The following MYO16 variants were observed in gnomAD, a reference collection of about 807,000 sequenced individuals.
The protein encoded by MYO16 is unconventional myosin-XVI.
A neutral mutation model predicts 205.3 loss-of-function variants in MYO16; 94 were observed. The observed-to-expected ratio is 0.46, with a 90% confidence interval of 0.39 to 0.54. The LOEUF (loss-of-function observed/expected upper bound fraction) is 0.54. Among genes scored for constraint, MYO16 ranks in the 20% least tolerant of loss-of-function variants. The pLI is 0.00. For missense variants in MYO16, 2,315 were observed against 2,387.5 expected (o/e 0.97, Z 0.63); for synonymous variants, 988 against 954.0 (o/e 1.04, Z -0.66).
chr13:108,511,420 G>A, the MYO16 span, among the ~76,000 whole-genome samples: 26 of 19,744 alleles, frequency 1.3e-3, 1 homozygote, highest in African/African-American at 6.0e-3. Flanking sequence ...CCATGTTGTA[G>A]GTTGCCTGTT....
chr13:108,831,132 C>T (rs984514812), intron 9 of MYO16, among the ~76,000 whole-genome samples: 5 of 152,000 alleles, frequency 3.3e-5, no homozygotes, highest in East Asian at 1.9e-4. Context: ...TTAGTCACCT[C>T]GTAAAACCCC....
At chr13:108,798,657 A>G (rs1271839168) in intron 6 of MYO16, among the ~76,000 whole-genome samples, 2 of 146,460 alleles carry the variant, frequency 1.4e-5, no homozygotes, top group South Asian at 2.2e-4. Flanking sequence ...TTAGCACATA[A>G]TTTGATATAT....
chr13:109,035,451 A>T (rs1042605451), intron 23 of MYO16, among the ~76,000 whole-genome samples: 1 of 152,142 alleles, frequency 6.6e-6, no homozygotes, highest in African/African-American at 2.4e-5. Flanking sequence ...TGGGAGGCTG[A>T]AGCAGATGAA....
intron 9 of MYO16, among the ~76,000 whole-genome samples, chr13:108,834,670 A>T (rs61439815): frequency 0.15 from 3,756 of 24,918 alleles, 161 homozygotes; most frequent in African/African-American, 0.28. Flanking sequence ...TCTCTCTCTC[A>T]CACATATATA....
chr13:108,892,911 C>T (rs1880239834), intron 14 of MYO16, among the ~76,000 whole-genome samples: 1 of 152,150 alleles, frequency 6.6e-6, no homozygotes, highest in Non-Finnish European at 1.5e-5. Context: ...ATATAACCCT[C>T]CCAAATCAGT....
intron 33 of MYO16, among the ~76,000 whole-genome samples, chr13:109,179,279 T>C (rs1879352273): frequency 6.6e-6 from 1 of 152,210 alleles, no homozygotes. Context: ...ACTTATCTGC[T>C]CACTTTTGTG....
At chr13:109,129,086 T>TTTTTC (rs2139779563) in intron 31 of MYO16, among the ~76,000 whole-genome samples, 1 of 151,918 alleles carries the variant, frequency 6.6e-6, no homozygotes, top group Non-Finnish European at 1.5e-5. Context: ...TTTTTTTTTT[T>TTTTTC]TTAGCATTTT....
chr13:108,555,108 T>C, the MYO16 span, among the ~76,000 whole-genome samples: 1 of 152,180 alleles, frequency 6.6e-6, no homozygotes, highest in African/African-American at 2.4e-5. Context: ...GTGTCTTCTT[T>C]AAAGCAATTA....
the MYO16 span, among the ~76,000 whole-genome samples, chr13:108,504,008 G>A: frequency 2.6e-5 from 4 of 151,628 alleles, no homozygotes; most frequent in Non-Finnish European, 5.9e-5. Flanking sequence ...TTTTTAAATT[G>A]TGGTAAAAAA....
Position 108,937,976 on chromosome 13 carries a change from T to C in MYO16, c.1926-19712T>C, listed in dbSNP as rs947905064. ...CAGATTTGTTGTGGTAGCAGAATTA[T>C]TGCAGTGGTTTCTTCTGATGTGGAG... On this transcript the variant is annotated intron_variant, in intron 16 of 34. Coordinates refer to ENST00000457511, the MANE Select transcript of MYO16 (RefSeq NM_001198950.3). Among the ~76,000 whole-genome samples the C allele has an allele frequency of 1.6e-4, 24 of 152,378 alleles. No homozygotes were observed. The East Asian group carries it at 4.0e-3, about 26-fold the overall frequency.
At chr13:108,575,108 G>A in the MYO16 span, among the ~76,000 whole-genome samples, 2 of 152,078 alleles carry the variant, frequency 1.3e-5, no homozygotes, top group Admixed American at 6.6e-5. Flanking sequence ...AGTGTTCATG[G>A]GTTTATCAGA....
chr13:108,896,431 C>A (rs868836118), intron 14 of MYO16, among the ~76,000 whole-genome samples: 1 of 152,160 alleles, frequency 6.6e-6, no homozygotes, highest in Middle Eastern at 3.4e-3. Flanking sequence ...CTTTTATCAT[C>A]TTTAAAATTA....
At chr13:108,929,359 A>G (rs1431682306) in intron 16 of MYO16, among the ~76,000 whole-genome samples, 1 of 152,222 alleles carries the variant, frequency 6.6e-6, no homozygotes, top group Admixed American at 6.5e-5. Flanking sequence ...TCCCACAAGT[A>G]ATGAAGGATT....
In MYO16 at chr13:109,141,584, T is replaced by C. The variant is rs1222967760; in HGVS notation, c.5164+208T>C. On this transcript the variant is annotated intron_variant, in intron 32 of 34. Coordinates refer to ENST00000457511, the MANE Select transcript of MYO16 (RefSeq NM_001198950.3). This position sits in a 1 kb window ranked among gnomAD's most constrained non-coding sequence, Gnocchi z 4.1. ...ATTAATATTTCCATATTGCAGAATA[T>C]GATAGGAAAGGCTCGTGATATAGAA... Among the ~76,000 whole-genome samples, 3 of 152,188 alleles carry C rather than the reference T, an allele frequency of 2.0e-5. No homozygotes were observed. Among genetic ancestry groups the C allele is most frequent in the African/African-American group, 7.2e-5 (3 of 41,438 alleles).
intron 1 of MYO16, among the ~76,000 whole-genome samples, chr13:108,646,173 G>C (rs542699051): frequency 6.6e-6 from 1 of 152,202 alleles, no homozygotes; most frequent in Admixed American, 6.5e-5. Flanking sequence ...GGCTTTTCTT[G>C]TTTGTTAGTT....
At chr13:108,610,188 A>T (rs1879119915) in intron 1 of MYO16, among the ~76,000 whole-genome samples, 1 of 152,122 alleles carries the variant, frequency 6.6e-6, no homozygotes, top group African/African-American at 2.4e-5. Flanking sequence ...AGTTTGTAGG[A>T]TGAGGAGGTG....
At chr13:108,696,615 C>A (rs1027967834) in intron 2 of MYO16, among the ~76,000 whole-genome samples, 3 of 152,158 alleles carry the variant, frequency 2.0e-5, no homozygotes, top group Non-Finnish European at 4.4e-5. Context: ...CAGGAGGGAA[C>A]TTCCTGGGAT....
chr13:108,707,653 T>C (rs1883563514), intron 2 of MYO16, among the ~76,000 whole-genome samples: 1 of 152,206 alleles, frequency 6.6e-6, no homozygotes, highest in South Asian at 2.1e-4. Context: ...AAAGTCTCAA[T>C]GGCAAATTAA....
intron 27 of MYO16, among the ~76,000 whole-genome samples, chr13:109,089,190 T>C (rs1888541265): frequency 1.1e-5 from 1 of 89,800 alleles, no homozygotes. Context: ...GTTTTCTGCA[T>C]TATTATTATT....
Sources: gnomAD v4.1 joint callset for allele counts (sites outside exome capture counted in the v4.1 genomes callset) on GRCh38, gnomAD v4.1.1 for gene constraint, Gnocchi (gnomAD v3.1) non-coding constraint, MANE v1.5 for transcripts, NCBI Gene and HGNC (gene_info 2026-07-23, HGNC 2026-07-21) for gene names.